The following IL4R variants were observed in gnomAD, a reference collection of about 807,000 sequenced individuals.
The protein encoded by IL4R is interleukin-4 receptor subunit alpha.
Under a neutral mutation model 41.5 loss-of-function variants are expected in IL4R, and 17 were observed. The ratio of observed to expected loss-of-function variants is 0.41; its 90% CI spans 0.28 to 0.61. IL4R has a LOEUF of 0.61. Ranked by LOEUF, IL4R falls within the 20% of genes least tolerant of loss-of-function variation. The pLI, the probability that IL4R is intolerant of heterozygous loss-of-function variation, is 0.31. For synonymous variants in IL4R, 402 were observed against 422.9 expected (o/e 0.95, Z 0.61); for missense variants, 974 against 1,043.1 (o/e 0.93, Z 0.91).
At chr16:27,356,948 G>C (rs892844691) in intron 8 of IL4R, among the ~76,000 whole-genome samples, 1 of 152,280 alleles carries the variant, frequency 6.6e-6, no homozygotes, top group South Asian at 2.1e-4. Context: ...TTTCCAGAGA[G>C]CTCTTGCCAG....
chr16:27,340,863 C>T (rs566524248), intron 3 of IL4R, among the ~76,000 whole-genome samples: 2 of 152,278 alleles, frequency 1.3e-5, no homozygotes, highest in South Asian at 2.1e-4. Context: ...AAGCGGGAAC[C>T]GTGCAGATGT....
rs541167536 is a variant in IL4R, at chr16:27,348,671, G to A, written c.513+2053G>A. Among the ~76,000 whole-genome samples, 126 of 152,286 alleles carry A rather than the reference G, an allele frequency of 8.3e-4. 1 individual carries two copies. The South Asian group carries it at 0.025, about 31-fold the overall frequency. ...GGCTGCTGCTCAGTGGCCTGGCTTC[G>A]ATGCTGTGCCAGCCTCTGAACCAAT... On this transcript the variant is annotated intron_variant, in intron 6 of 10. Coordinates refer to ENST00000395762, the MANE Select transcript of IL4R (RefSeq NM_000418.4).
chr16:27,321,856 T>C lies in IL4R; in HGVS notation c.-152+7836T>C, dbSNP rs752395148. Among the ~76,000 whole-genome samples the C allele has an allele frequency of 5.3e-4, 81 of 152,198 alleles. 2 individuals are homozygous for C. Among genetic ancestry groups the C allele is most frequent in the African/African-American group, 1.4e-3 (58 of 41,460 alleles). ...TTTTAAATTTTTGAGACAGATAGAATTTTTTAAGTTATCTTTTTATTGTTG... is the reference window on the plus strand; with the variant it reads ...TTTTAAATTTTTGAGACAGATAGAACTTTTTAAGTTATCTTTTTATTGTTG... On this transcript the variant is annotated intron_variant, in intron 1 of 10. Transcript: ENST00000395762.
intron 1 of IL4R, among the ~76,000 whole-genome samples, chr16:27,321,352 T>A (rs1473224352): frequency 6.6e-6 from 1 of 152,198 alleles, no homozygotes; most frequent in Non-Finnish European, 1.5e-5. Context: ...ACTACACAAC[T>A]GTAGTTATTT....
intron 2 of IL4R, among the ~76,000 whole-genome samples, chr16:27,331,474 A>C (rs1042438303): frequency 1.3e-5 from 2 of 152,174 alleles, no homozygotes; most frequent in African/African-American, 4.8e-5. Flanking sequence ...TATGTAAAAG[A>C]TGTAAAAGAA....
intron 2 of IL4R, among the ~76,000 whole-genome samples, chr16:27,332,702 T>A (rs1355560487): frequency 2.0e-5 from 3 of 151,906 alleles, no homozygotes; most frequent in African/African-American, 7.2e-5. Context: ...TGTATTTTTT[T>A]CTTCTGCTTG....
rs372431110 is a variant in IL4R, at chr16:27,323,963, A to C, written c.-151-6103A>C. ...TAGGAGCCACCGCGCCCAGCCTTCA[A>C]GTGCTTTTTTTTGTTAGTGAGACTG... On this transcript the variant is annotated intron_variant, in intron 1 of 10. Coordinates refer to ENST00000395762, the MANE Select transcript of IL4R (RefSeq NM_000418.4). Among the ~76,000 whole-genome samples the C allele has an allele frequency of 1.6e-4, 25 of 152,010 alleles. 1 individual carries two copies. The East Asian group carries it at 4.4e-3, about 27-fold the overall frequency.
intron 2 of IL4R, among the ~76,000 whole-genome samples, chr16:27,332,687 A>G (rs1246698059): frequency 6.6e-6 from 1 of 151,586 alleles, no homozygotes; most frequent in Non-Finnish European, 1.5e-5. Flanking sequence ...TGTATGCTCC[A>G]ATTTTGTATT....
intron 8 of IL4R, among the ~76,000 whole-genome samples, chr16:27,356,528 C>G (rs1330676661): frequency 1.3e-5 from 2 of 152,128 alleles, no homozygotes; most frequent in Non-Finnish European, 2.9e-5. Context: ...TTCTGGGGTG[C>G]TTTTTGCAAG....
At chr16:27,332,421 G>T (rs574352308) in intron 2 of IL4R, among the ~76,000 whole-genome samples, 2 of 152,180 alleles carry the variant, frequency 1.3e-5, no homozygotes, top group East Asian at 3.9e-4. Context: ...TGGGGGAACT[G>T]CTCCCGTAAT....
chr16:27,327,619 TC>T (rs1460064638), intron 1 of IL4R, among the ~76,000 whole-genome samples: 1 of 152,036 alleles, frequency 6.6e-6, no homozygotes, highest in East Asian at 1.9e-4. Context: ...CGGACAAAGT[TC>T]CAGGGTTTTG....
Position 27,323,457 on chromosome 16 carries a change from C to T in IL4R, c.-151-6609C>T, listed in dbSNP as rs78726961. Among the ~76,000 whole-genome samples the T allele has an allele frequency of 2.3e-4, 35 of 152,290 alleles. No individual in the cohort carries two copies. In the East Asian group the frequency reaches 6.0e-3, roughly 26 times the overall value. ...AGCAAGTTTATGACTGCTTCTGTGCCAGGCACTGTGCTGTGCACTCCAGAG... is the reference window on the plus strand; with the variant it reads ...AGCAAGTTTATGACTGCTTCTGTGCTAGGCACTGTGCTGTGCACTCCAGAG... On this transcript the variant is annotated intron_variant, in intron 1 of 10. Coordinates refer to ENST00000395762, the MANE Select transcript of IL4R (RefSeq NM_000418.4).
In IL4R at chr16:27,338,197, C is replaced by T. The variant is rs528363568; in HGVS notation, c.-18-1989C>T. ...GTCTCAAACTCCTGACCTCGTGATC[C>T]GCCCACCTCAGCCTCCCAAACTTTC... On this transcript the variant is annotated intron_variant, in intron 2 of 10. Transcript: ENST00000395762. 1.5e-3 allele frequency among the ~76,000 whole-genome samples: 221 copies of T among 151,332 alleles called. 2 individuals are homozygous for T. Among genetic ancestry groups the T allele is most frequent in the Non-Finnish European group, 2.5e-3 (171 of 67,760 alleles).
At chr16:27,358,276 G>A (rs1013258762) in intron 8 of IL4R, among the ~76,000 whole-genome samples, 2 of 152,198 alleles carry the variant, frequency 1.3e-5, no homozygotes, top group East Asian at 1.9e-4. Flanking sequence ...TCTTTGTCTC[G>A]TTCACTGTTG....
chr16:27,331,422 AAAT>A lies in IL4R; in HGVS notation c.-19+1229_-19+1231del, dbSNP rs140798320. ...TGGTTTCCTCATCTGAAAATGGAGA[AAAT>A]AATATTACCTATTTCATAGATTATT... On this transcript the variant is annotated intron_variant, in intron 2 of 10. Transcript: ENST00000395762. 4.7e-3 allele frequency among the ~76,000 whole-genome samples: 711 copies of A among 152,280 alleles called. 20 individuals are homozygous for A. In the East Asian group the frequency reaches 0.076, roughly 16 times the overall value.
intron 3 of IL4R, among the ~76,000 whole-genome samples, chr16:27,340,689 TC>T (rs2085412157): frequency 6.6e-6 from 1 of 151,770 alleles, no homozygotes; most frequent in South Asian, 2.1e-4. Flanking sequence ...GCCACTCCAC[TC>T]CAGCCTGCGT....
chr16:27,329,391 T>C (rs2085050701), intron 1 of IL4R, among the ~76,000 whole-genome samples: 1 of 152,096 alleles, frequency 6.6e-6, no homozygotes, highest in Admixed American at 6.6e-5. Context: ...CATATTTTAA[T>C]CTAGGCCAGA....
Position 27,362,813 on chromosome 16 carries a change from G to A in IL4R, c.1461G>A (p.Thr487=), listed in dbSNP as rs1389225742. 5 of 1,614,136 alleles carry A rather than the reference G, an allele frequency of 3.1e-6. No individual in the cohort carries two copies. Among genetic ancestry groups the A allele is most frequent in the East Asian group, 2.2e-5 (1 of 44,876 alleles). ...CAGACAACCTGACTTGCACAGAGAC[G>A]CCCCTCGTCATCGCAGGCAACCCTG... ...QSPDNLTCTE[T]PLVIAGNPAY... The change falls in exon 11 of 11, where the codon ACG becomes ACA. Residue 487 remains threonine (T), a synonymous_variant. Transcript: ENST00000395762.
At chr16:27,322,927 C>T (rs527285726) in intron 1 of IL4R, among the ~76,000 whole-genome samples, 7 of 152,132 alleles carry the variant, frequency 4.6e-5, no homozygotes, top group Non-Finnish European at 7.4e-5. Context: ...CAGCCTGCCA[C>T]GGTCTCCCAC....
Sources: gnomAD v4.1 joint callset for allele counts (sites outside exome capture counted in the v4.1 genomes callset) on GRCh38, gnomAD v4.1.1 for gene constraint, MANE v1.5 for transcripts, NCBI Gene and HGNC (gene_info 2026-07-23, HGNC 2026-07-21) for gene names.